PLA1A: variants seen among roughly 807,000 people sequenced by gnomAD.
PLA1A encodes phospholipase A1 member A.
Under a neutral mutation model 49.4 loss-of-function variants are expected in PLA1A, and 47 were observed. The ratio of observed to expected loss-of-function variants is 0.95; its 90% CI spans 0.75 to 1.21. The LOEUF is 1.21. Among genes scored for constraint, PLA1A ranks in the 50% most tolerant of loss-of-function variants. The probability of loss-of-function intolerance (pLI) is 0.00; values close to 1 mark genes in which losing one functional copy is unlikely to be tolerated. For missense variants in PLA1A, 561 were observed against 563.9 expected, an observed-to-expected ratio of 0.99 and a Z score of 0.05; for synonymous variants, 224 against 207.9, an observed-to-expected ratio of 1.08 and a Z score of -0.67.
intron 6 of PLA1A, among the ~76,000 whole-genome samples, chr3:119,617,136 T>C (rs1441651495): frequency 6.6e-6 from 1 of 152,240 alleles, no homozygotes; most frequent in African/African-American, 2.4e-5. Context: ...TTATCCAATG[T>C]TGAATGCTGC....
rs1211772253 is a variant in PLA1A, at chr3:119,609,478, TGTCG to T, written c.466_469del (p.Ser156AsnfsTer100). On this transcript the variant is annotated frameshift_variant, in exon 4 of 11. Transcript: ENST00000273371. LOFTEE classifies it high-confidence loss of function. ...TTCCTGCTCTTCTAGGTGCTGGGTGTGTCGGAATCCTCAATCCACATCATTGGTG... is the reference window on the plus strand; with the variant it reads ...TTCCTGCTCTTCTAGGTGCTGGGTGTGAATCCTCAATCCACATCATTGGTG... 15 of 1,607,908 alleles carry T rather than the reference TGTCG, an allele frequency of 9.3e-6. No individual in the cohort carries two copies. Among genetic ancestry groups the T allele is most frequent in the Non-Finnish European group, 1.3e-5 (15 of 1,174,364 alleles).
intron 4 of PLA1A, among the ~76,000 whole-genome samples, chr3:119,610,409 C>T (rs2082749777): frequency 6.6e-6 from 1 of 152,158 alleles, no homozygotes; most frequent in Non-Finnish European, 1.5e-5. Context: ...AGATCGCTTT[C>T]CATAGTGGCT....
chr3:119,599,473 G>C (rs2082586140), intron 1 of PLA1A, among the ~76,000 whole-genome samples: 1 of 152,142 alleles, frequency 6.6e-6, no homozygotes, highest in African/African-American at 2.4e-5. Context: ...TTAGGGGCTG[G>C]AAGGCATTTG....
chr3:119,619,474 T>C (rs2082898140), intron 7 of PLA1A, 89 bp from the exon 8 acceptor site: 3 of 719,576 alleles, frequency 4.2e-6, no homozygotes, highest in African/African-American at 1.9e-5. Flanking sequence ...AATAAATGGG[T>C]GCATGAATTA....
At chr3:119,615,836 AAAAAGAAAAG>A (rs60240853) in intron 5 of PLA1A, among the ~76,000 whole-genome samples, 166 bp from the exon 6 acceptor site, 28 of 150,978 alleles carry the variant, frequency 1.9e-4, no homozygotes, top group Admixed American at 4.6e-4. Context: ...AAAAAAAAAG[AAAAAGAAAAG>A]AAAAGAAAAG....
intron 4 of PLA1A, among the ~76,000 whole-genome samples, chr3:119,611,380 A>T (rs550595624): frequency 1.3e-5 from 2 of 152,328 alleles, no homozygotes; most frequent in East Asian, 3.9e-4. Flanking sequence ...TGGTAGGGAT[A>T]GCACTGAATC....
intron 1 of PLA1A, among the ~76,000 whole-genome samples, chr3:119,606,464 AT>A (rs2082689424): frequency 6.6e-6 from 1 of 152,206 alleles, no homozygotes; most frequent in Non-Finnish European, 1.5e-5. Context: ...ATTTCAACAT[AT>A]GAATTTTGGG....
intron 8 of PLA1A, among the ~76,000 whole-genome samples, chr3:119,621,732 A>G (rs542761300): frequency 6.6e-6 from 1 of 152,292 alleles, no homozygotes; most frequent in Non-Finnish European, 1.5e-5. Context: ...TGAGGCATGG[A>G]GAGGCTCAGT....
rs191847692 is a variant in PLA1A at position 119,629,561 on chromosome 3, C to A, written c.*93C>A. On this transcript the variant is annotated 3_prime_UTR_variant, in exon 11 of 11. Transcript: ENST00000273371. ...ATGTGTGTGTGCAGCTTATTGTAGA[C>A]CATTACTACTAAGGAGAAAAGCAAA... 3 of 731,296 alleles carry A rather than the reference C, an allele frequency of 4.1e-6. No homozygotes were observed. In the African/African-American group the frequency reaches 5.4e-5, roughly 13 times the overall value. 45.3% of individuals were successfully genotyped at this position (731,296 alleles called of 1,614,324 possible). A position where few individuals can be genotyped will look rare whatever the true frequency, so the allele number is the denominator to read the frequency against.
intron 9 of PLA1A, among the ~76,000 whole-genome samples, chr3:119,626,987 C>A (rs1173208430): frequency 1.3e-5 from 2 of 152,092 alleles, no homozygotes; most frequent in Non-Finnish European, 2.9e-5. Flanking sequence ...TGAAAATGAC[C>A]CACAACCCTG....
chr3:119,600,299 G>A (rs2082600297), intron 1 of PLA1A: 1 of 688,140 alleles, frequency 1.5e-6, no homozygotes, highest in Non-Finnish European at 2.6e-6. Flanking sequence ...CTTGGACTGT[G>A]GAGCTTTAGA....
chr3:119,605,969 C>T (rs1267990583), intron 1 of PLA1A, among the ~76,000 whole-genome samples: 1 of 152,110 alleles, frequency 6.6e-6, no homozygotes, highest in Non-Finnish European at 1.5e-5. Context: ...CTTGACTGCT[C>T]ATAAGGACAA....
At chr3:119,622,635 T>A (rs534038760) in intron 8 of PLA1A, among the ~76,000 whole-genome samples, 4 of 152,096 alleles carry the variant, frequency 2.6e-5, no homozygotes, top group Non-Finnish European at 5.9e-5. Flanking sequence ...TGTTAGCCCA[T>A]AAAATGTGGC....
intron 7 of PLA1A, 44 bp downstream of exon 7, chr3:119,618,230 T>G: frequency 6.6e-7 from 1 of 1,509,304 alleles, no homozygotes. Flanking sequence ...TGTGGGGAAG[T>G]TCAAGCCCTG....
At chr3:119,619,871 A>G (rs184679036) in intron 8 of PLA1A, among the ~76,000 whole-genome samples, 2 of 152,204 alleles carry the variant, frequency 1.3e-5, no homozygotes, top group Non-Finnish European at 2.9e-5. Context: ...TACTGATCGT[A>G]TTTCCTCTTA....
chr3:119,608,858 AT>A lies in PLA1A; in HGVS notation c.367del (p.Tyr123MetfsTer11), dbSNP rs1359557354. On this transcript the variant is annotated frameshift_variant, in exon 3 of 11. Transcript: ENST00000273371. LOFTEE classifies it high-confidence loss of function. ...TGCTAATGTGATTGCCGTGGACTGG[AT>A]TTATGGGTCTACAGGAGTCTACTTC... Reference protein sequence around the residue: ...TNANVIAVDWIYGSTGVYFSA... With the variant: ...TNANVIAVDWXYGSTGVYFSA... The A allele has an allele frequency of 6.2e-7, 1 of 1,613,644 alleles. No individual in the cohort carries two copies. The highest frequency in any genetic ancestry group is 8.5e-7 in the Non-Finnish European group (1 of 1,179,586).
intron 8 of PLA1A, among the ~76,000 whole-genome samples, chr3:119,622,189 G>GAAA (rs1451065581): frequency 2.2e-5 from 1 of 44,818 alleles, no homozygotes; most frequent in African/African-American, 6.2e-5. Context: ...AGAAGAAGAA[G>GAAA]AAGAAGAAGA....
chr3:119,598,649 C>A (rs1387373640), intron 1 of PLA1A: 2 of 152,188 alleles, frequency 1.3e-5, no homozygotes, highest in East Asian at 3.8e-4. Context: ...TTAGAAAAAT[C>A]CCCTCCCTCT....
At chr3:119,599,898 C>T (rs2082594914) in intron 1 of PLA1A, among the ~76,000 whole-genome samples, 1 of 152,060 alleles carries the variant, frequency 6.6e-6, no homozygotes, top group African/African-American at 2.4e-5. Context: ...GTTAATGTTC[C>T]TTATTCTTAC....
Sources: allele counts gnomAD v4.1 joint callset (sites outside exome capture counted in the v4.1 genomes callset), GRCh38; gene constraint gnomAD v4.1.1; transcripts MANE v1.5; gene names NCBI Gene and HGNC (gene_info 2026-07-23, HGNC 2026-07-21).